Variants in GABRB3 observed in about 807,000 individuals in gnomAD.
GABRB3 encodes the protein gamma-aminobutyric acid type A receptor subunit beta3, also known as gamma-aminobutyric acid receptor subunit beta-3.
GABRB3 carries 14 observed loss-of-function variants against 52.1 expected under a neutral mutation model. That is an observed-to-expected ratio of 0.27 (90% CI 0.18 to 0.42). The LOEUF is 0.42. Ranked by LOEUF, GABRB3 falls within the 10% of genes least tolerant of loss-of-function variation. The pLI is 1.00. For synonymous variants in GABRB3, 260 were observed against 232.3 expected (o/e 1.12, Z -1.08); for missense variants, 307 against 609.1 (o/e 0.50, Z 5.22).
chr15:26,773,713 C>T (rs1891227491), upstream of GABRB3: 4 of 1,569,470 alleles, frequency 2.5e-6, no homozygotes, highest in Non-Finnish European at 2.6e-6. Context: ...GCTCCAGGAG[C>T]CCGGAGCACA....
chr15:26,662,544 C>T (rs1887583321), intron 3 of GABRB3, among the ~76,000 whole-genome samples: 1 of 152,176 alleles, frequency 6.6e-6, no homozygotes, highest in Non-Finnish European at 1.5e-5. Flanking sequence ...AATAATTAGG[C>T]CTCATTACTC....
At chr15:26,638,736 G>A (rs941382899) in intron 3 of GABRB3, among the ~76,000 whole-genome samples, 3 of 152,160 alleles carry the variant, frequency 2.0e-5, no homozygotes, top group Admixed American at 6.5e-5. Context: ...ATTTTTGCAT[G>A]TAATCAGTCT....
chr15:26,562,560 C>T (rs1890030263), intron 7 of GABRB3, among the ~76,000 whole-genome samples: 1 of 152,208 alleles, frequency 6.6e-6, no homozygotes, highest in African/African-American at 2.4e-5. Flanking sequence ...GAGCCCAGGC[C>T]ATTCTGCACA....
chr15:26,661,781 A>ACCCCTGCTT (rs1555374758), intron 3 of GABRB3, among the ~76,000 whole-genome samples: 2 of 152,186 alleles, frequency 1.3e-5, no homozygotes, highest in Non-Finnish European at 2.9e-5. Context: ...AGCAGGGGGA[A>ACCCCTGCTT]AGCAAGCCAG....
intron 3 of GABRB3, among the ~76,000 whole-genome samples, chr15:26,769,126 T>C (rs141344637): frequency 6.6e-6 from 1 of 152,342 alleles, no homozygotes; most frequent in East Asian, 1.9e-4. Flanking sequence ...TTGTTGTGTA[T>C]TATCTGTTAC....
Position 26,673,490 on chromosome 15 carries a change from G to A in GABRB3, c.241-51956C>T, listed in dbSNP as rs115511364. On this transcript the variant is annotated intron_variant, in intron 3 of 8. Transcript: ENST00000311550. Reference sequence around the variant, plus strand: ...CCTAAAATTTCGCTTCATCCCCTAAGGTACTTGGAGTATAGTAAGATAGAA... The same window carrying A: ...CCTAAAATTTCGCTTCATCCCCTAAAGTACTTGGAGTATAGTAAGATAGAA... Among the ~76,000 whole-genome samples the A allele has an allele frequency of 6.9e-3, 1,052 of 152,264 alleles. 16 individuals are homozygous for A. Among genetic ancestry groups the A allele is most frequent in the African/African-American group, 0.025 (1,023 of 41,534 alleles).
At chr15:26,560,122 G>A (rs1454188735) in intron 8 of GABRB3, among the ~76,000 whole-genome samples, 2 of 152,176 alleles carry the variant, frequency 1.3e-5, no homozygotes, top group Non-Finnish European at 2.9e-5. Flanking sequence ...ATTCTTTCCA[G>A]ACCCACAGGT....
intron 6 of GABRB3, among the ~76,000 whole-genome samples, chr15:26,570,086 T>G (rs1222773164): frequency 6.6e-6 from 1 of 152,214 alleles, no homozygotes; most frequent in East Asian, 1.9e-4. Flanking sequence ...ATCCCTAACT[T>G]TTTGTATGCA....
rs1890227164 is a variant in GABRB3, at chr15:26,567,613, T to C, written c.803A>G (p.Asn268Ser). 1.9e-6 allele frequency: 3 copies of C among 1,613,890 alleles called. No individual in the cohort carries two copies. The highest frequency in any genetic ancestry group is 2.5e-6 in the Non-Finnish European group (3 of 1,180,008). The change falls in exon 7 of 9, where the codon AAT becomes AGT. Residue 268 changes from asparagine (N) to serine (S), a missense_variant. Asn to Ser is a conservative substitution (Grantham distance 46). Transcript: ENST00000311550. ...TILSWVSFWI[N>S]YDASAARVAL... ...AACTCTAGCAGCAGATGCATCATAA[T>C]TGATCCAGAAGGACACCCACGACAG...
intron 4 of GABRB3, among the ~76,000 whole-genome samples, chr15:26,592,844 C>G (rs1206393939): frequency 6.6e-6 from 1 of 152,086 alleles, no homozygotes; most frequent in Non-Finnish European, 1.5e-5. Flanking sequence ...GAAACCCCAT[C>G]TCTACTAAAA....
intron 3 of GABRB3, among the ~76,000 whole-genome samples, chr15:26,750,673 A>G (rs1595344570): frequency 6.6e-6 from 1 of 152,204 alleles, no homozygotes; most frequent in South Asian, 2.1e-4. Context: ...AAGCTGCTTT[A>G]GAGTAAAATG....
At chr15:26,671,821 G>A (rs759230030) in intron 3 of GABRB3, among the ~76,000 whole-genome samples, 3 of 152,130 alleles carry the variant, frequency 2.0e-5, no homozygotes, top group Non-Finnish European at 4.4e-5. Context: ...ACAAGGTGGT[G>A]AGGGCTCTGA....
chr15:26,750,523 A>G (rs374864031), intron 3 of GABRB3, among the ~76,000 whole-genome samples: 13 of 151,304 alleles, frequency 8.6e-5, no homozygotes, highest in African/African-American at 3.1e-4. Flanking sequence ...GGACCAGCTG[A>G]CATGGTACCT....
intron 3 of GABRB3, among the ~76,000 whole-genome samples, chr15:26,655,529 T>G (rs560270999): frequency 6.6e-6 from 1 of 152,044 alleles, no homozygotes; most frequent in African/African-American, 2.4e-5. Context: ...GATCACGAGG[T>G]CAGGAGATCG....
chr15:26,588,908 A>C (rs1891093568), intron 4 of GABRB3, among the ~76,000 whole-genome samples: 1 of 152,218 alleles, frequency 6.6e-6, no homozygotes, highest in African/African-American at 2.4e-5. Flanking sequence ...AGATATGATT[A>C]AGAATTAAAA....
chr15:26,697,049 A>C (rs925628419), intron 3 of GABRB3, among the ~76,000 whole-genome samples: 2 of 152,198 alleles, frequency 1.3e-5, no homozygotes, highest in African/African-American at 4.8e-5. Context: ...AAACCCACAG[A>C]GTTGTTAAGA....
intron 3 of GABRB3, among the ~76,000 whole-genome samples, chr15:26,713,817 C>T (rs2140133435): frequency 6.6e-6 from 1 of 152,356 alleles, no homozygotes. Context: ...CTCCTTACTG[C>T]AGGTGTGCTG....
intron 3 of GABRB3, among the ~76,000 whole-genome samples, chr15:26,691,923 G>A: frequency 6.6e-6 from 1 of 152,078 alleles, no homozygotes; most frequent in East Asian, 1.9e-4. Flanking sequence ...TATTTATATT[G>A]TATCTATTAT....
At chr15:26,610,171 C>T (rs1247316549) in intron 4 of GABRB3, among the ~76,000 whole-genome samples, 5 of 152,052 alleles carry the variant, frequency 3.3e-5, no homozygotes, top group African/African-American at 1.2e-4. Context: ...TTTTTCCCTG[C>T]TAATATATTA....
Sources: allele counts gnomAD v4.1 joint callset (sites outside exome capture counted in the v4.1 genomes callset), GRCh38; gene constraint gnomAD v4.1.1; transcripts MANE v1.5; gene names NCBI Gene and HGNC (gene_info 2026-07-23, HGNC 2026-07-21).